SYN3: variants seen among roughly 807,000 people sequenced by gnomAD.
SYN3 encodes synapsin-3.
In SYN3, 35 loss-of-function variants were observed where a neutral mutation model predicts 65.8. The ratio of observed to expected loss-of-function variants is 0.53; its 90% CI spans 0.41 to 0.70. The LOEUF is 0.70. SYN3 is among the 30% of genes least tolerant of loss of function. The probability of loss-of-function intolerance (pLI) is 0.00; values close to 1 mark genes in which losing one functional copy is unlikely to be tolerated. For missense variants in SYN3, 680 were observed against 749.0 expected, an observed-to-expected ratio of 0.91 and a Z score of 1.08; for synonymous variants, 270 against 292.9, an observed-to-expected ratio of 0.92 and a Z score of 0.80.
chr22:32,912,975 G>T (rs1392403380), intron 4 of SYN3, among the ~76,000 whole-genome samples: 1 of 152,098 alleles, frequency 6.6e-6, no homozygotes, highest in Non-Finnish European at 1.5e-5. Context: ...ATGAGCCCCA[G>T]TGTCAACTAG....
At position 32,618,058 on chromosome 22, in the gene SYN3, C is replaced by G. The variant is rs374432606; in HGVS notation, c.712-21322G>C. Among the ~76,000 whole-genome samples, 429 of 152,176 alleles carry G rather than the reference C, an allele frequency of 2.8e-3. 7 individuals are homozygous for G. In the Middle Eastern group the frequency reaches 0.037, roughly 13 times the overall value. ...TAGCCACATCACGCCTATCTCAGTCCCTTCTTATCCCCGGAGCCTGGCATG... is the reference window on the plus strand; with the variant it reads ...TAGCCACATCACGCCTATCTCAGTCGCTTCTTATCCCCGGAGCCTGGCATG... On this transcript the variant is annotated intron_variant, in intron 6 of 13. Transcript: ENST00000358763.
intron 6 of SYN3, among the ~76,000 whole-genome samples, chr22:32,681,608 T>G (rs930766241): frequency 4.6e-5 from 7 of 152,216 alleles, no homozygotes; most frequent in Admixed American, 6.5e-5. Context: ...AGACAGTGCT[T>G]TCTCCACCCT....
At chr22:32,670,555 C>T (rs2060346676) in intron 6 of SYN3, among the ~76,000 whole-genome samples, 1 of 152,184 alleles carries the variant, frequency 6.6e-6, no homozygotes, top group Non-Finnish European at 1.5e-5. Context: ...TGGATTCAGT[C>T]TTTGTTATGG....
At chr22:32,739,219 A>C (rs1364731057) in intron 6 of SYN3, among the ~76,000 whole-genome samples, 1 of 152,028 alleles carries the variant, frequency 6.6e-6, no homozygotes, top group Non-Finnish European at 1.5e-5. Flanking sequence ...ATAGTAAATA[A>C]GTCTCATGAG....
chr22:32,576,672 G>A, intron 7 of SYN3, among the ~76,000 whole-genome samples: 1 of 151,996 alleles, frequency 6.6e-6, no homozygotes, highest in East Asian at 1.9e-4. Flanking sequence ...ATTCAAGTCT[G>A]CCGTTTTTCA....
At chr22:32,586,065 T>TATGTATAC (rs1218977119) in intron 7 of SYN3, among the ~76,000 whole-genome samples, 1 of 135,038 alleles carries the variant, frequency 7.4e-6, no homozygotes, top group South Asian at 2.5e-4. Flanking sequence ...TATATGTATA[T>TATGTATAC]ATGTATACAT....
chr22:32,834,448 C>T (rs1042529030), intron 6 of SYN3, among the ~76,000 whole-genome samples: 1 of 152,168 alleles, frequency 6.6e-6, no homozygotes, highest in Admixed American at 6.5e-5. Context: ...CAGGCATGAG[C>T]CACTGCACCC....
At chr22:32,696,306 T>C (rs971022328) in intron 6 of SYN3, among the ~76,000 whole-genome samples, 1 of 152,198 alleles carries the variant, frequency 6.6e-6, no homozygotes, top group Non-Finnish European at 1.5e-5. Context: ...ACTCATCACA[T>C]GGCTCAACTA....
At position 32,997,569 on chromosome 22, in the gene SYN3, A is replaced by C. The variant is rs905827885; in HGVS notation, c.311+8783T>G. 2.0e-5 allele frequency among the ~76,000 whole-genome samples: 3 copies of C among 152,246 alleles called. No individual in the cohort carries two copies. In the South Asian group the frequency reaches 6.2e-4, roughly 32 times the overall value. On this transcript the variant is annotated intron_variant, in intron 2 of 13. Transcript: ENST00000358763. ...CTCACCTTTAAATGAGCTGACAGTCAACTCCTGCTCCTCGGCAAATGCTTA... is the reference window on the plus strand; with the variant it reads ...CTCACCTTTAAATGAGCTGACAGTCCACTCCTGCTCCTCGGCAAATGCTTA...
chr22:32,527,675 T>G (rs116195721), intron 12 of SYN3: 2 of 411,652 alleles, frequency 4.9e-6, no homozygotes, highest in Admixed American at 4.1e-5. Context: ...AGAAAATAGG[T>G]GGGACATTCC....
intron 6 of SYN3, among the ~76,000 whole-genome samples, chr22:32,689,230 G>C (rs914425462): frequency 1.3e-5 from 2 of 152,146 alleles, no homozygotes; most frequent in Non-Finnish European, 2.9e-5. Context: ...CTATGCCCTC[G>C]CTGCATGTCA....
In SYN3 at chr22:32,956,041, C is replaced by CATATATATATATATATATATATAT. The variant is rs5845054; in HGVS notation, c.370-24561_370-24560insATATATATATATATATATATATAT. On this transcript the variant is annotated intron_variant, in intron 3 of 13. Coordinates refer to ENST00000358763, the MANE Select transcript of SYN3 (RefSeq NM_003490.4). ...GAGTTAATACTACTTAATAAATTCA[C>CATATATATATATATATATATATAT]ATATATATATATATATATATAAAAT... Among the ~76,000 whole-genome samples the CATATATATATATATATATATATAT allele has an allele frequency of 5.8e-3, 759 of 130,396 alleles. 13 individuals carry two copies. The highest frequency in any genetic ancestry group is 0.019 in the African/African-American group (571 of 29,954). The allele number at this position is 130,396 out of a possible 152,430, so 85.5% of individuals were successfully genotyped here.
chr22:32,520,002 A>G (rs2146085018), intron 12 of SYN3, among the ~76,000 whole-genome samples: 1 of 152,272 alleles, frequency 6.6e-6, no homozygotes, highest in South Asian at 2.1e-4. Flanking sequence ...ACCCCCAGCC[A>G]TGGGAGTGCT....
At chr22:32,847,321 C>A (rs1018715822) in intron 6 of SYN3, among the ~76,000 whole-genome samples, 1 of 152,216 alleles carries the variant, frequency 6.6e-6, no homozygotes, top group African/African-American at 2.4e-5. Context: ...GAGGTGGATG[C>A]AGGATCTTGA....
chr22:32,750,585 G>T (rs1302987004), intron 6 of SYN3, among the ~76,000 whole-genome samples: 1 of 151,982 alleles, frequency 6.6e-6, no homozygotes, highest in Non-Finnish European at 1.5e-5. Context: ...TGGATGGGGT[G>T]GAGTGCTAGA....
At chr22:32,927,654 T>G (rs2050511909) in intron 4 of SYN3, among the ~76,000 whole-genome samples, 1 of 152,248 alleles carries the variant, frequency 6.6e-6, no homozygotes, top group African/African-American at 2.4e-5. Flanking sequence ...CCTTCATATA[T>G]TTTTAAATCC....
intron 6 of SYN3, among the ~76,000 whole-genome samples, chr22:32,645,187 C>A (rs1273852621): frequency 6.6e-6 from 1 of 152,132 alleles, no homozygotes; most frequent in African/African-American, 2.4e-5. Context: ...CTCCCTAAAG[C>A]CAGACAATAA....
At chr22:32,696,279 A>G (rs2060735597) in intron 6 of SYN3, among the ~76,000 whole-genome samples, 1 of 152,198 alleles carries the variant, frequency 6.6e-6, no homozygotes, top group Non-Finnish European at 1.5e-5. Context: ...ACATCTGTTC[A>G]CATTCCAGCT....
intron 6 of SYN3, among the ~76,000 whole-genome samples, chr22:32,660,330 C>A (rs2060198988): frequency 6.6e-6 from 1 of 152,258 alleles, no homozygotes; most frequent in African/African-American, 2.4e-5. Context: ...AACCTGGTTT[C>A]TTTGGGGCAT....
Sources: gnomAD v4.1 joint callset for allele counts (sites outside exome capture counted in the v4.1 genomes callset) on GRCh38, gnomAD v4.1.1 for gene constraint, MANE v1.5 for transcripts, NCBI Gene and HGNC (gene_info 2026-07-23, HGNC 2026-07-21) for gene names.